BRINP3: variants seen among roughly 807,000 people sequenced by gnomAD.
The protein encoded by BRINP3 is BMP/retinoic acid-inducible neural-specific protein 3.
BRINP3 carries 19 observed loss-of-function variants against 71.0 expected under a neutral mutation model. The ratio of observed to expected loss-of-function variants is 0.27; its 90% CI spans 0.19 to 0.39. The LOEUF (loss-of-function observed/expected upper bound fraction) is 0.39, where lower values mean the gene tolerates loss of function less well. Ranked by LOEUF, BRINP3 falls within the 10% of genes least tolerant of loss-of-function variation. The probability of loss-of-function intolerance (pLI) is 1.00; values close to 1 mark genes in which losing one functional copy is unlikely to be tolerated. For synonymous variants in BRINP3, 380 were observed against 337.7 expected (o/e 1.13, Z -1.37); for missense variants, 959 against 940.8 (o/e 1.02, Z -0.25).
At chr1:190,133,783 G>A (rs930494904) in intron 7 of BRINP3, among the ~76,000 whole-genome samples, 1 of 151,954 alleles carries the variant, frequency 6.6e-6, no homozygotes, top group Non-Finnish European at 1.5e-5. Flanking sequence ...TATGTCTTTT[G>A]GGGAAGGGAA....
chr1:190,252,493 G>C (rs951724993), intron 4 of BRINP3, among the ~76,000 whole-genome samples: 1 of 152,044 alleles, frequency 6.6e-6, no homozygotes, highest in African/African-American at 2.4e-5. Context: ...GGCCTATTGA[G>C]GATTCCTGTG....
At chr1:190,300,258 C>CT (rs1185441910) in intron 2 of BRINP3, among the ~76,000 whole-genome samples, 5 of 152,052 alleles carry the variant, frequency 3.3e-5, no homozygotes, top group Non-Finnish European at 7.4e-5. Flanking sequence ...TCTTTTTATT[C>CT]TTTTTTCTCT....
At chr1:190,146,270 T>G (rs1325743472) in intron 7 of BRINP3, among the ~76,000 whole-genome samples, 1 of 152,158 alleles carries the variant, frequency 6.6e-6, no homozygotes, top group African/African-American at 2.4e-5. Context: ...ATAAAATAAA[T>G]GACCTAATCT....
chr1:190,130,393 C>T (rs888778808), intron 7 of BRINP3, among the ~76,000 whole-genome samples: 3 of 151,970 alleles, frequency 2.0e-5, no homozygotes, highest in African/African-American at 7.2e-5. Flanking sequence ...AGTGAATAAA[C>T]TAGATTTCAT....
intron 2 of BRINP3, among the ~76,000 whole-genome samples, chr1:190,355,862 T>C (rs1440017546): frequency 6.6e-6 from 1 of 151,876 alleles, no homozygotes; most frequent in Non-Finnish European, 1.5e-5. Flanking sequence ...AGGTTTCAGA[T>C]AGAATGTCCT....
intron 2 of BRINP3, among the ~76,000 whole-genome samples, chr1:190,352,655 C>G (rs1265121273): frequency 6.6e-6 from 1 of 151,928 alleles, no homozygotes; most frequent in Non-Finnish European, 1.5e-5. Flanking sequence ...TGAAACATCT[C>G]AAGACGTTAT....
chr1:190,181,692 A>G (rs2102537273), intron 6 of BRINP3, among the ~76,000 whole-genome samples: 1 of 152,142 alleles, frequency 6.6e-6, no homozygotes, highest in Admixed American at 6.6e-5. Flanking sequence ...TCATTCATTT[A>G]TAATGTAATT....
intron 1 of BRINP3, among the ~76,000 whole-genome samples, chr1:190,473,540 CTTTTT>C (rs201424484): frequency 6.0e-5 from 8 of 133,078 alleles, no homozygotes; most frequent in Non-Finnish European, 9.6e-5. Flanking sequence ...TAATTTTTCT[CTTTTT>C]TTTTTTTTTT....
chr1:190,144,126 T>C (rs1278106392), intron 7 of BRINP3, among the ~76,000 whole-genome samples: 2 of 152,108 alleles, frequency 1.3e-5, no homozygotes, highest in South Asian at 2.1e-4. Context: ...AGACACAAAA[T>C]GTGCCAAGAA....
intron 2 of BRINP3, among the ~76,000 whole-genome samples, chr1:190,440,755 A>G (rs940777607): frequency 6.6e-6 from 1 of 152,016 alleles, no homozygotes; most frequent in Admixed American, 6.6e-5. Context: ...GATTAAACTG[A>G]CATAATACAA....
At chr1:190,110,241 T>A (rs892940534) in intron 7 of BRINP3, among the ~76,000 whole-genome samples, 1 of 152,130 alleles carries the variant, frequency 6.6e-6, no homozygotes, top group Non-Finnish European at 1.5e-5. Context: ...TACAGGACAG[T>A]CTGTCTAGGA....
chr1:190,410,574 G>A lies in BRINP3; in HGVS notation c.236+44081C>T, dbSNP rs377668279. Reference sequence around the variant, plus strand: ...CAGAAAGGTAGTATTTAAACCTATAGAGAATATAGGAATGTAAAAAAATAG... The same window carrying A: ...CAGAAAGGTAGTATTTAAACCTATAAAGAATATAGGAATGTAAAAAAATAG... On this transcript the variant is annotated intron_variant, in intron 2 of 7. Coordinates refer to ENST00000367462, the MANE Select transcript of BRINP3 (RefSeq NM_199051.3). Among the ~76,000 whole-genome samples, 28 of 152,102 alleles carry A rather than the reference G, an allele frequency of 1.8e-4. No homozygotes were observed. In the South Asian group the frequency reaches 5.8e-3, roughly 32 times the overall value.
rs2419370 is a variant in BRINP3 at position 190,139,751 on chromosome 1, C to G, written c.1184+20917G>C. Among the ~76,000 whole-genome samples the G allele has an allele frequency of 5.9e-5, 9 of 151,944 alleles. No homozygotes were observed. In the South Asian group the frequency reaches 1.9e-3, roughly 31 times the overall value. On this transcript the variant is annotated intron_variant, in intron 7 of 7. Coordinates refer to ENST00000367462, the MANE Select transcript of BRINP3 (RefSeq NM_199051.3). ...GCCAGATTTGAGACAATATAGCATA[C>G]GACATAAATCTACATAGTTAAGGTT...
chr1:190,192,610 A>G (rs555601419), intron 6 of BRINP3, among the ~76,000 whole-genome samples: 1 of 152,180 alleles, frequency 6.6e-6, no homozygotes, highest in African/African-American at 2.4e-5. Flanking sequence ...TTCAGTAAAG[A>G]TAACTATTAC....
Position 190,312,075 on chromosome 1 carries a change from A to G in BRINP3, c.237-30325T>C, listed in dbSNP as rs898966889. On this transcript the variant is annotated intron_variant, in intron 2 of 7. Transcript: ENST00000367462. ...TATATATATATATATATATATATAT[A>G]TGTATTTCTAAGGTCACCTTGTAGA... 4.4e-5 allele frequency among the ~76,000 whole-genome samples: 6 copies of G among 136,548 alleles called. No individual in the cohort carries two copies. In the East Asian group the frequency reaches 6.3e-4, roughly 14 times the overall value. 89.6% of individuals were successfully genotyped at this position (136,548 alleles called of 152,430 possible). A position where few individuals can be genotyped will look rare whatever the true frequency, so the allele number is the denominator to read the frequency against.
intron 6 of BRINP3, among the ~76,000 whole-genome samples, chr1:190,181,261 T>A (rs1223590229): frequency 6.6e-6 from 1 of 152,098 alleles, no homozygotes; most frequent in Non-Finnish European, 1.5e-5. Flanking sequence ...TTCATTCTTG[T>A]TATTGATGAA....
At chr1:190,168,920 T>A (rs930517021) in intron 6 of BRINP3, among the ~76,000 whole-genome samples, 6 of 152,198 alleles carry the variant, frequency 3.9e-5, no homozygotes, top group Non-Finnish European at 8.8e-5. Flanking sequence ...ACAGAGAATA[T>A]CAGGCACAAT....
rs1656656909 is a variant in BRINP3, at chr1:190,154,087, T to A, written c.1184+6581A>T. On this transcript the variant is annotated intron_variant, in intron 7 of 7. Coordinates refer to ENST00000367462, the MANE Select transcript of BRINP3 (RefSeq NM_199051.3). ...TTTTTTCAGTTATGATTTTTAGTTCTAGTCATCACATTTTCATCTTAGCTA... is the reference window on the plus strand; with the variant it reads ...TTTTTTCAGTTATGATTTTTAGTTCAAGTCATCACATTTTCATCTTAGCTA... 11 of 965,684 alleles carry A rather than the reference T, an allele frequency of 1.1e-5. 1 individual carries two copies. The highest frequency in any genetic ancestry group is 1.1e-3 in the Middle Eastern group (2 of 1,904). 59.8% of individuals were successfully genotyped at this position (965,684 alleles called of 1,614,324 possible). A position where few individuals can be genotyped will look rare whatever the true frequency, so the allele number is the denominator to read the frequency against.
At chr1:190,166,080 T>C (rs1651508092) in intron 6 of BRINP3, among the ~76,000 whole-genome samples, 1 of 152,180 alleles carries the variant, frequency 6.6e-6, no homozygotes, top group Non-Finnish European at 1.5e-5. Context: ...TGATATGACT[T>C]TGAGTAGCCA....
Sources: gnomAD v4.1 joint callset for allele counts (sites outside exome capture counted in the v4.1 genomes callset) on GRCh38, gnomAD v4.1.1 for gene constraint, MANE v1.5 for transcripts, NCBI Gene and HGNC (gene_info 2026-07-23, HGNC 2026-07-21) for gene names.